PLD5: variants seen among roughly 807,000 people sequenced by gnomAD.
PLD5 encodes the protein inactive phospholipase D5.
PLD5 carries 36 observed loss-of-function variants against 61.1 expected under a neutral mutation model. That is an observed-to-expected ratio of 0.59 (90% CI 0.45 to 0.78). The LOEUF (loss-of-function observed/expected upper bound fraction) is 0.78, where lower values mean the gene tolerates loss of function less well. Among genes scored for constraint, PLD5 ranks in the 30% least tolerant of loss-of-function variants. The pLI, the probability that PLD5 is intolerant of heterozygous loss-of-function variation, is 0.00. For synonymous variants in PLD5, 243 were observed against 242.8 expected, an observed-to-expected ratio of 1.00 and a Z score of -0.01; for missense variants, 515 against 644.4, an observed-to-expected ratio of 0.80 and a Z score of 2.17.
chr1:242,397,548 A>AT, intron 1 of PLD5, among the ~76,000 whole-genome samples: 1 of 152,168 alleles, frequency 6.6e-6, no homozygotes, highest in South Asian at 2.1e-4. Context: ...ATAAGGCTCA[A>AT]CGCATGCAAA....
At chr1:242,336,324 T>C (rs1421322085) in intron 2 of PLD5, among the ~76,000 whole-genome samples, 1 of 152,184 alleles carries the variant, frequency 6.6e-6, no homozygotes, top group East Asian at 1.9e-4. Context: ...TTCTACTACC[T>C]AGGCTAAACG....
chr1:242,526,228 T>C (rs566059500), upstream of PLD5, among the ~76,000 whole-genome samples: 8 of 152,050 alleles, frequency 5.3e-5, no homozygotes, highest in African/African-American at 1.7e-4. Flanking sequence ...ACACTAAAAA[T>C]AAAATAAATT....
chr1:242,100,823 C>G, intron 8 of PLD5, 41 bp from the exon 9 acceptor site: 1 of 1,348,198 alleles, frequency 7.4e-7, no homozygotes. Context: ...ATAAGAGGAA[C>G]GTTTCTGGTC....
At chr1:242,233,535 AAG>A (rs138304569) in intron 4 of PLD5, among the ~76,000 whole-genome samples, 1 of 150,940 alleles carries the variant, frequency 6.6e-6, no homozygotes, top group African/African-American at 2.4e-5. Flanking sequence ...AGGCTAAAGG[AAG>A]AGAGAGAGAG....
At chr1:242,492,977 AG>A (rs928473622) in intron 1 of PLD5, among the ~76,000 whole-genome samples, 1 of 152,154 alleles carries the variant, frequency 6.6e-6, no homozygotes, top group African/African-American at 2.4e-5. Context: ...TGAATTTGGG[AG>A]GGGGAACCAC....
At position 242,348,129 on chromosome 1, in the gene PLD5, T is replaced by G. The variant is rs1454649224; in HGVS notation, c.303A>C (p.Glu101Asp). ...ACCGACATTTATTTTGGCAATTTTT[T>G]TCTGAGAGTCCATCCTCATCCTCTC... ...IMGEDEDGLS[E>D]KNCQNKCRIA... Residue 101 changes from glutamate (E) to aspartate (D), a missense_variant, in exon 2 of 10, where the codon GAA becomes GAC. Physicochemically the swap from Glu to Asp is conservative, Grantham distance 45 (BLOSUM62 2). Coordinates refer to ENST00000536534, the MANE Select transcript of PLD5 (RefSeq NM_001372062.1). 1 of 1,613,246 alleles carries G rather than the reference T, an allele frequency of 6.2e-7. No individual in the cohort carries two copies.
chr1:242,344,209 AC>A (rs1191539466), intron 2 of PLD5, among the ~76,000 whole-genome samples: 1 of 152,070 alleles, frequency 6.6e-6, no homozygotes, highest in Non-Finnish European at 1.5e-5. Context: ...GTCAAATATG[AC>A]CCTCTAACCA....
chr1:242,112,911 A>G (rs1226495679), intron 7 of PLD5, among the ~76,000 whole-genome samples: 1 of 152,202 alleles, frequency 6.6e-6, no homozygotes, highest in Non-Finnish European at 1.5e-5. Context: ...TTATGCATGC[A>G]ATGATTTCCC....
chr1:242,458,934 T>C (rs1408047930), intron 1 of PLD5, among the ~76,000 whole-genome samples: 2 of 152,218 alleles, frequency 1.3e-5, no homozygotes, highest in Non-Finnish European at 2.9e-5. Context: ...TTAATTGCAA[T>C]AATAATGGGC....
chr1:242,317,128 C>T (rs1442636401), intron 2 of PLD5, among the ~76,000 whole-genome samples: 2 of 152,036 alleles, frequency 1.3e-5, no homozygotes, highest in African/African-American at 4.8e-5. Context: ...CTGCCTCAGC[C>T]TCCCAAGTAG....
intron 2 of PLD5, among the ~76,000 whole-genome samples, chr1:242,293,048 C>T (rs954272243): frequency 1.3e-5 from 2 of 152,160 alleles, no homozygotes; most frequent in East Asian, 1.9e-4. Context: ...CATCTCTTCC[C>T]TTTTCTTTGA....
intron 2 of PLD5, among the ~76,000 whole-genome samples, chr1:242,338,204 T>G (rs971604762): frequency 6.6e-6 from 1 of 152,174 alleles, no homozygotes; most frequent in East Asian, 1.9e-4. Context: ...AACCAAAATA[T>G]AAGAATACCC....
At chr1:242,437,037 C>A (rs1666027816) in intron 1 of PLD5, among the ~76,000 whole-genome samples, 1 of 152,040 alleles carries the variant, frequency 6.6e-6, no homozygotes, top group Non-Finnish European at 1.5e-5. Context: ...AAAGTTGAAC[C>A]CCTTTGTCAG....
At chr1:242,091,813 T>C (rs1421453589) in intron 9 of PLD5, among the ~76,000 whole-genome samples, 1 of 126,826 alleles carries the variant, frequency 7.9e-6, no homozygotes, top group African/African-American at 3.4e-5. Flanking sequence ...TTCTTCTTTT[T>C]CTTTTCTTTT....
At position 242,183,695 on chromosome 1, in the gene PLD5, A is replaced by G. The variant is rs369522450; in HGVS notation, c.735+36293T>C. 3.3e-5 allele frequency among the ~76,000 whole-genome samples: 5 copies of G among 152,164 alleles called. No individual in the cohort carries two copies. The East Asian group carries it at 7.7e-4, about 24-fold the overall frequency. On this transcript the variant is annotated intron_variant, in intron 5 of 9. Transcript: ENST00000536534. Reference sequence around the variant, plus strand: ...TGGATCATGAGGTCAGGAGATCCAGACCATCTTGGCTAACACGGTGAAACC... The same window carrying G: ...TGGATCATGAGGTCAGGAGATCCAGGCCATCTTGGCTAACACGGTGAAACC...
At chr1:242,144,972 C>G (rs1012175200) in intron 5 of PLD5, among the ~76,000 whole-genome samples, 2 of 152,090 alleles carry the variant, frequency 1.3e-5, no homozygotes, top group Non-Finnish European at 2.9e-5. Flanking sequence ...AATTTGGGCT[C>G]TTACTGTTTT....
intron 1 of PLD5, among the ~76,000 whole-genome samples, chr1:242,354,913 G>T (rs1014142342): frequency 6.6e-6 from 1 of 152,000 alleles, no homozygotes; most frequent in Non-Finnish European, 1.5e-5. Flanking sequence ...TGTCAATGTG[G>T]TGTATCACAT....
rs1658551456 is a variant in PLD5, at chr1:242,323,487, C to T, written c.326+24619G>A. Among the ~76,000 whole-genome samples the T allele has an allele frequency of 2.0e-5, 3 of 152,232 alleles. No individual in the cohort carries two copies. The South Asian group carries it at 6.2e-4, about 32-fold the overall frequency. ...CAGAAATCCCTTCCAAGAATTGCTC[C>T]CAAAATACATGCAGGTTGTTCCACT... On this transcript the variant is annotated intron_variant, in intron 2 of 9. Transcript: ENST00000536534.
intron 2 of PLD5, among the ~76,000 whole-genome samples, chr1:242,341,168 G>A (rs60923016): frequency 0.048 from 7,234 of 151,538 alleles, 528 homozygotes; most frequent in African/African-American, 0.16. Context: ...TACAAAAGGT[G>A]GCTCTCACTG....
Sources: allele counts gnomAD v4.1 joint callset (sites outside exome capture counted in the v4.1 genomes callset), GRCh38; gene constraint gnomAD v4.1.1; transcripts MANE v1.5; gene names NCBI Gene and HGNC (gene_info 2026-07-23, HGNC 2026-07-21).